Variants in CDKL3 observed in about 807,000 individuals in gnomAD.
CDKL3 encodes cyclin-dependent kinase-like 3.
Under a neutral mutation model 69.3 loss-of-function variants are expected in CDKL3, and 65 were observed. That is an observed-to-expected ratio of 0.94 (90% CI 0.77 to 1.15). The LOEUF (loss-of-function observed/expected upper bound fraction) is 1.15. CDKL3 is among the 50% of genes most tolerant of loss of function. The pLI is 0.00. For synonymous variants in CDKL3, 202 were observed against 221.6 expected, an observed-to-expected ratio of 0.91 and a Z score of 0.79; for missense variants, 652 against 689.2, an observed-to-expected ratio of 0.95 and a Z score of 0.61.
upstream of CDKL3, among the ~76,000 whole-genome samples, chr5:134,367,849 G>C (rs183612031): frequency 2.0e-5 from 3 of 152,154 alleles, no homozygotes; most frequent in Non-Finnish European, 4.4e-5. Flanking sequence ...ACAAGAGCAC[G>C]GAAATAAAGA....
In CDKL3 at chr5:134,342,383, G is replaced by A. The variant is rs536926921; in HGVS notation, c.539+7866C>T. Among the ~76,000 whole-genome samples the A allele has an allele frequency of 5.9e-5, 9 of 152,176 alleles. No homozygotes were observed. The South Asian group carries it at 1.9e-3, about 32-fold the overall frequency. On this transcript the variant is annotated intron_variant, in intron 4 of 12. Transcript: ENST00000265334. ...GGAGGCCGAGGCAGGTGGATCATGA[G>A]GTCAGAAGATCGAGACCATCCTGGC...
chr5:134,314,175 T>C (rs369472833), intron 6 of CDKL3, among the ~76,000 whole-genome samples: 6 of 151,658 alleles, frequency 4.0e-5, no homozygotes, highest in African/African-American at 7.3e-5. Flanking sequence ...ACAAACAAAT[T>C]AAAAAAACCC....
At chr5:134,309,370 A>G (rs1169068918) in intron 7 of CDKL3, among the ~76,000 whole-genome samples, 1 of 152,214 alleles carries the variant, frequency 6.6e-6, no homozygotes, top group African/African-American at 2.4e-5. Flanking sequence ...AGCGTCAGCC[A>G]CTGCACCCAG....
chr5:134,308,900 TTC>T (rs1768624400), intron 7 of CDKL3, among the ~76,000 whole-genome samples, 173 bp from the exon 8 acceptor site: 1 of 152,236 alleles, frequency 6.6e-6, no homozygotes. Flanking sequence ...AATTGCTTTC[TTC>T]TAAAGATACA....
intron 3 of CDKL3, 66 bp downstream of exon 3, chr5:134,359,831 A>T (rs1755577259): frequency 1.7e-5 from 17 of 1,019,116 alleles, no homozygotes; most frequent in Non-Finnish European, 2.4e-5. Flanking sequence ...TAAAAATAAA[A>T]CAATGTATAA....
intron 4 of CDKL3, among the ~76,000 whole-genome samples, chr5:134,331,877 C>A (rs1478753449): frequency 1.3e-5 from 2 of 152,180 alleles, no homozygotes; most frequent in Non-Finnish European, 2.9e-5. Context: ...GGAATCGCCA[C>A]ACTGTCTTCC....
chr5:134,312,639 G>C (rs1331435817), intron 6 of CDKL3, among the ~76,000 whole-genome samples: 3 of 152,212 alleles, frequency 2.0e-5, no homozygotes, highest in African/African-American at 7.2e-5. Context: ...TGTTTCTGCT[G>C]AAATTAGCAA....
At position 134,360,079 on chromosome 5, in the gene CDKL3, C is replaced by T. The variant is rs555814204; in HGVS notation, c.178G>A (p.Glu60Lys). The T allele has an allele frequency of 1.2e-5, 18 of 1,532,600 alleles. No individual in the cohort carries two copies. Among genetic ancestry groups the T allele is most frequent in the East Asian group, 9.7e-5 (4 of 41,160 alleles). 94.9% of individuals were successfully genotyped at this position (1,532,600 alleles called of 1,614,324 possible). Reference sequence around the variant, plus strand: ...ACTTCAATCAGATTGACCAGGTTTTCGTGATGAAATTGCTATTGACAAAAG... The same window carrying T: ...ACTTCAATCAGATTGACCAGGTTTTTGTGATGAAATTGCTATTGACAAAAG... ...EIKFLKQFHH[E>K]NLVNLIEVFR... Residue 60 changes from glutamate (E) to lysine (K), a missense_variant, in exon 3 of 13, where the codon GAA (glutamate) becomes AAA (lysine). Glu to Lys is a moderately conservative substitution (Grantham distance 56). Transcript: ENST00000265334.
chr5:134,323,300 T>C (rs1192812504), intron 4 of CDKL3, among the ~76,000 whole-genome samples: 2 of 152,314 alleles, frequency 1.3e-5, no homozygotes, highest in East Asian at 1.9e-4. Context: ...CAAAACATCA[T>C]GCTGTACACA....
At chr5:134,298,845 G>T in intron 12 of CDKL3, 135 bp from the exon 13 acceptor site, 2 of 1,177,234 alleles carry the variant, frequency 1.7e-6, no homozygotes, top group Non-Finnish European at 1.2e-6. Context: ...CAAAAGATTT[G>T]CTTCAATGCC....
At chr5:134,312,269 C>T (rs572883553) in intron 7 of CDKL3, 23 bp downstream of exon 7, 4 of 1,409,294 alleles carry the variant, frequency 2.8e-6, no homozygotes, top group African/African-American at 1.4e-5. Flanking sequence ...TTTAAAAAAC[C>T]CACATTCACT....
chr5:134,293,742 G>C (rs1311317353), downstream of CDKL3, among the ~76,000 whole-genome samples: 3 of 152,152 alleles, frequency 2.0e-5, no homozygotes, highest in African/African-American at 7.2e-5. Flanking sequence ...CAAGGCTGCA[G>C]TGAGCTATGA....
chr5:134,369,429 G>A (rs988593064), upstream of CDKL3, among the ~76,000 whole-genome samples: 1 of 152,190 alleles, frequency 6.6e-6, no homozygotes, highest in African/African-American at 2.4e-5. Context: ...GGGAAAGAGG[G>A]GGTAGGAGGA....
intron 4 of CDKL3, among the ~76,000 whole-genome samples, chr5:134,325,166 C>T (rs945664665): frequency 2.6e-5 from 4 of 151,962 alleles, no homozygotes; most frequent in South Asian, 2.1e-4. Flanking sequence ...AGACAGAATG[C>T]GACACTGTCT....
intron 4 of CDKL3, among the ~76,000 whole-genome samples, chr5:134,338,993 A>C (rs1325416365): frequency 6.6e-6 from 1 of 152,042 alleles, no homozygotes; most frequent in East Asian, 1.9e-4. Context: ...ATCTCTACTA[A>C]AAATACAAAA....
intron 2 of CDKL3, among the ~76,000 whole-genome samples, chr5:134,362,016 G>A (rs1756151940): frequency 6.6e-6 from 1 of 152,096 alleles, no homozygotes; most frequent in African/African-American, 2.4e-5. Context: ...GTAGGGAAGG[G>A]GTAATATGAA....
At chr5:134,300,900 T>A (rs193248126) in intron 12 of CDKL3, among the ~76,000 whole-genome samples, 1,828 of 152,332 alleles carry the variant, frequency 0.012, 17 homozygotes, top group Middle Eastern at 0.017. Context: ...GCAAATGGTA[T>A]GCTGTGCAAC....
chr5:134,369,755 A>G (rs1758149473), upstream of CDKL3, among the ~76,000 whole-genome samples: 1 of 152,012 alleles, frequency 6.6e-6, no homozygotes, highest in Admixed American at 6.6e-5. Context: ...TTTTGTAGAG[A>G]CAGGATCTCC....
chr5:134,368,504 A>T (rs948577752), upstream of CDKL3, among the ~76,000 whole-genome samples: 2 of 151,378 alleles, frequency 1.3e-5, no homozygotes, highest in African/African-American at 4.9e-5. Context: ...CTGTAGTCCC[A>T]GCTACTCGGG....
Sources: gnomAD v4.1 joint callset for allele counts (sites outside exome capture counted in the v4.1 genomes callset) on GRCh38, gnomAD v4.1.1 for gene constraint, MANE v1.5 for transcripts, NCBI Gene and HGNC (gene_info 2026-07-23, HGNC 2026-07-21) for gene names.